The following NRG2 variants were observed in gnomAD, a reference collection of about 807,000 sequenced individuals.
The protein encoded by NRG2 is pro-neuregulin-2, membrane-bound isoform.
A neutral mutation model predicts 73.9 loss-of-function variants in NRG2; 27 were observed. That is an observed-to-expected ratio of 0.37 (90% confidence interval 0.27 to 0.50). The LOEUF (loss-of-function observed/expected upper bound fraction) is 0.50. Among genes scored for constraint, NRG2 ranks in the 20% least tolerant of loss-of-function variants. NRG2 has a pLI of 0.96. For missense variants in NRG2, 1,126 were observed against 1,210.1 expected (o/e 0.93, Z 1.03); for synonymous variants, 532 against 541.0 (o/e 0.98, Z 0.23).
At chr5:139,895,258 G>A (rs1261532436) in intron 1 of NRG2, among the ~76,000 whole-genome samples, 1 of 152,248 alleles carries the variant, frequency 6.6e-6, no homozygotes. Flanking sequence ...TGCAAGGCCA[G>A]GGAGAGATAC....
intron 1 of NRG2, among the ~76,000 whole-genome samples, chr5:139,905,610 G>A (rs1416065439): frequency 2.0e-5 from 3 of 151,796 alleles, no homozygotes; most frequent in Admixed American, 1.3e-4. Flanking sequence ...CAGAAAGGGG[G>A]AAGCTGGAGG....
At chr5:140,003,598 G>C (rs1446334444) in intron 1 of NRG2, among the ~76,000 whole-genome samples, 1 of 152,174 alleles carries the variant, frequency 6.6e-6, no homozygotes, top group African/African-American at 2.4e-5. Context: ...CCAGCACCTT[G>C]ATTTGAGCCC....
intron 2 of NRG2, among the ~76,000 whole-genome samples, chr5:139,885,285 C>T (rs1335031176): frequency 6.6e-6 from 1 of 152,212 alleles, no homozygotes. Context: ...AACTAAGAGA[C>T]AGTGTCCAGA....
intron 1 of NRG2, among the ~76,000 whole-genome samples, chr5:140,014,760 A>G (rs1448921125): frequency 1.3e-5 from 2 of 152,124 alleles, no homozygotes; most frequent in African/African-American, 4.8e-5. Context: ...TCTATTCTCA[A>G]CATAGCACAC....
intron 1 of NRG2, among the ~76,000 whole-genome samples, chr5:139,916,552 C>A (rs1580727669): frequency 6.6e-6 from 1 of 152,194 alleles, no homozygotes; most frequent in South Asian, 2.1e-4. Flanking sequence ...CCCCCTCCCC[C>A]TGCCATCCCC....
chr5:139,864,601 C>T (rs112578296), intron 5 of NRG2, among the ~76,000 whole-genome samples: 105 of 152,084 alleles, frequency 6.9e-4, no homozygotes, highest in African/African-American at 2.4e-3. Context: ...ACATAAATAT[C>T]TCTGGTATTC....
chr5:140,037,770 C>T (rs1318866891), intron 1 of NRG2, among the ~76,000 whole-genome samples: 3 of 151,934 alleles, frequency 2.0e-5, no homozygotes, highest in East Asian at 3.9e-4. Flanking sequence ...TAATCGGGCG[C>T]GGTGGCGGGT....
At chr5:139,973,156 C>CAAA (rs58053481) in intron 1 of NRG2, among the ~76,000 whole-genome samples, 68 of 89,406 alleles carry the variant, frequency 7.6e-4, no homozygotes, top group South Asian at 2.4e-3. Context: ...TAAGAATATG[C>CAAA]AAAAAAAAAA....
At chr5:139,978,786 C>G (rs948495582) in intron 1 of NRG2, among the ~76,000 whole-genome samples, 1 of 150,720 alleles carries the variant, frequency 6.6e-6, no homozygotes, top group Non-Finnish European at 1.5e-5. Flanking sequence ...TATTGCAGCA[C>G]TATGTTTATT....
intron 1 of NRG2, among the ~76,000 whole-genome samples, chr5:139,923,841 A>T (rs1158124393): frequency 6.6e-6 from 1 of 152,176 alleles, no homozygotes; most frequent in Non-Finnish European, 1.5e-5. Context: ...GGCCTCCTGA[A>T]GGGAGCAGCA....
intron 1 of NRG2, among the ~76,000 whole-genome samples, chr5:139,929,350 A>G (rs1323928033): frequency 6.6e-6 from 1 of 152,204 alleles, no homozygotes; most frequent in East Asian, 1.9e-4. Flanking sequence ...AATGACATTA[A>G]GCGTGTTATA....
chr5:139,904,439 G>A lies in NRG2; in HGVS notation c.701-16928C>T. ...GGCGGTGGGACGGCCTCAGCTCTCC[G>A]CTGCCGCGCTGCGCCCCCGCCGCCT... On this transcript the variant is annotated intron_variant, in intron 1 of 9. Coordinates refer to ENST00000361474, the MANE Select transcript of NRG2 (RefSeq NM_004883.3). The surrounding 1 kb of genome is among the most constrained non-coding windows in gnomAD (Gnocchi z 6.0). 8.3e-7 allele frequency: 1 copy of A among 1,203,030 alleles called. No individual in the cohort carries two copies. The highest frequency in any genetic ancestry group is 1.2e-6 in the Non-Finnish European group (1 of 851,236). The allele number at this position is 1,203,030 out of a possible 1,614,324, so 74.5% of individuals were successfully genotyped here.
rs183746408 is a variant in NRG2, at chr5:139,920,032, T to C, written c.701-32521A>G. Among the ~76,000 whole-genome samples, 147 of 152,306 alleles carry C rather than the reference T, an allele frequency of 9.7e-4. 1 individual carries two copies. The highest frequency in any genetic ancestry group is 1.7e-3 in the Non-Finnish European group (118 of 68,020). ...TGCAATAGAAATGTGGAGGATGGAA[T>C]GGTCATGGAGGAATGAGACCACAGG... On this transcript the variant is annotated intron_variant, in intron 1 of 9. Transcript: ENST00000361474.
rs1479625997 is a variant in NRG2 at position 139,853,598 on chromosome 5, A to C, written c.1293-571T>G. On this transcript the variant is annotated intron_variant, in intron 6 of 9. Coordinates refer to ENST00000361474, the MANE Select transcript of NRG2 (RefSeq NM_004883.3). The surrounding 1 kb of genome is among the most constrained non-coding windows in gnomAD (Gnocchi z 4.1). ...ACTTTCAATAAAGTTCCATGAAGAA[A>C]ATAAAACAGGTGCTGTGGCTAGGGA... Among the ~76,000 whole-genome samples the C allele has an allele frequency of 6.6e-6, 1 of 152,214 alleles. No homozygotes were observed. The highest frequency in any genetic ancestry group is 1.5e-5 in the Non-Finnish European group (1 of 68,036).
At chr5:139,913,939 G>T (rs1417607676) in intron 1 of NRG2, among the ~76,000 whole-genome samples, 3 of 152,154 alleles carry the variant, frequency 2.0e-5, no homozygotes, top group South Asian at 2.1e-4. Flanking sequence ...AATCGTTTGA[G>T]CCCAGGAGTT....
intron 1 of NRG2, among the ~76,000 whole-genome samples, chr5:139,997,714 T>A (rs1344132287): frequency 1.3e-5 from 2 of 152,214 alleles, no homozygotes; most frequent in Non-Finnish European, 2.9e-5. Flanking sequence ...CACTCAGCCC[T>A]CAATGGGCCC....
At position 139,961,409 on chromosome 5, in the gene NRG2, T is replaced by C. The variant is rs1014152891; in HGVS notation, c.701-73898A>G. Among the ~76,000 whole-genome samples the C allele has an allele frequency of 7.1e-5, 10 of 140,704 alleles. No homozygotes were observed. In the South Asian group the frequency reaches 1.8e-3, roughly 25 times the overall value. 92.3% of individuals were successfully genotyped at this position (140,704 alleles called of 152,430 possible). On this transcript the variant is annotated intron_variant, in intron 1 of 9. Transcript: ENST00000361474. ...AGGACTCAGGCTCCAGCCCTGCATG[T>C]GACACATCACTCTAGAGGACAATCA...
At chr5:139,888,592 A>G (rs1344279836) in intron 1 of NRG2, among the ~76,000 whole-genome samples, 3 of 152,200 alleles carry the variant, frequency 2.0e-5, no homozygotes, top group Non-Finnish European at 4.4e-5. Flanking sequence ...ACAATGGGCC[A>G]GAGCTGGCTC....
chr5:139,904,199 C>A lies in NRG2; in HGVS notation c.701-16688G>T, dbSNP rs1164464415. ...GCGCCCTCGGTGCCTGTCACCGCGG[C>A]GGCCGCTAGCGCAGCCTAGACTCAC... On this transcript the variant is annotated intron_variant, in intron 1 of 9. Coordinates refer to ENST00000361474, the MANE Select transcript of NRG2 (RefSeq NM_004883.3). The surrounding 1 kb of genome is among the most constrained non-coding windows in gnomAD (Gnocchi z 6.0). The A allele has an allele frequency of 2.6e-6, 3 of 1,154,014 alleles. No individual in the cohort carries two copies. Among genetic ancestry groups the A allele is most frequent in the African/African-American group, 3.2e-5 (2 of 61,706 alleles). The allele number at this position is 1,154,014 out of a possible 1,614,324, so 71.5% of individuals were successfully genotyped here. A position where few individuals can be genotyped will look rare whatever the true frequency, so the allele number is the denominator to read the frequency against.
Sources: gnomAD v4.1 joint callset for allele counts (sites outside exome capture counted in the v4.1 genomes callset) on GRCh38, gnomAD v4.1.1 for gene constraint, Gnocchi (gnomAD v3.1) non-coding constraint, MANE v1.5 for transcripts, NCBI Gene and HGNC (gene_info 2026-07-23, HGNC 2026-07-21) for gene names.